TMTC2: variants seen among roughly 807,000 people sequenced by gnomAD.
The protein encoded by TMTC2 is protein O-mannosyl-transferase TMTC2.
In TMTC2, 43 loss-of-function variants were observed where a neutral mutation model predicts 82.4. The ratio of observed to expected loss-of-function variants is 0.52; its 90% CI spans 0.41 to 0.67. The LOEUF (loss-of-function observed/expected upper bound fraction) is 0.67, where lower values mean the gene tolerates loss of function less well. TMTC2 is among the 30% of genes least tolerant of loss of function. The pLI is 0.00. For missense variants in TMTC2, 919 were observed against 1,012.4 expected (o/e 0.91, Z 1.25); for synonymous variants, 408 against 381.9 (o/e 1.07, Z -0.80).
chr12:82,995,335 C>G (rs12231530), intron 8 of TMTC2, among the ~76,000 whole-genome samples: 1 of 43,482 alleles, frequency 2.3e-5, no homozygotes, highest in African/African-American at 4.7e-5. Context: ...TACACACACA[C>G]ATACACACAC....
intron 1 of TMTC2, among the ~76,000 whole-genome samples, chr12:82,785,707 G>GTC (rs1405854708): frequency 6.6e-6 from 1 of 152,036 alleles, no homozygotes; most frequent in Non-Finnish European, 1.5e-5. Context: ...TAAAATGGCA[G>GTC]TCTTTCACTG....
At chr12:82,937,169 C>T (rs1165839154) in intron 4 of TMTC2, among the ~76,000 whole-genome samples, 1 of 152,168 alleles carries the variant, frequency 6.6e-6, no homozygotes, top group Non-Finnish European at 1.5e-5. Context: ...CTACAAGGTA[C>T]ATAGCTTAAG....
At chr12:83,111,045 T>G (rs975287473) in intron 11 of TMTC2, among the ~76,000 whole-genome samples, 1 of 152,234 alleles carries the variant, frequency 6.6e-6, no homozygotes, top group Non-Finnish European at 1.5e-5. Flanking sequence ...TCCAGTCTTA[T>G]AAACCAACTT....
chr12:83,130,299 A>G (rs567674701), intron 11 of TMTC2, among the ~76,000 whole-genome samples: 1 of 152,356 alleles, frequency 6.6e-6, no homozygotes, highest in Non-Finnish European at 1.5e-5. Flanking sequence ...ACTCAGGATA[A>G]TAACAGTGGT....
rs553439106 is a variant in TMTC2, at chr12:83,071,803, T to C, written c.2331+9972T>C. Among the ~76,000 whole-genome samples, 16 of 152,316 alleles carry C rather than the reference T, an allele frequency of 1.1e-4. No individual in the cohort carries two copies. In the South Asian group the frequency reaches 2.1e-3, roughly 20 times the overall value. On this transcript the variant is annotated intron_variant, in intron 11 of 11. Coordinates refer to ENST00000321196, the MANE Select transcript of TMTC2 (RefSeq NM_152588.3). ...TAATTTATATGTGTCAAGGTGTTCA[T>C]AGTAGCCTTGTATGATCTCTTGTAT...
At chr12:83,066,225 G>A (rs1333579895) in intron 11 of TMTC2, among the ~76,000 whole-genome samples, 2 of 151,912 alleles carry the variant, frequency 1.3e-5, no homozygotes, top group East Asian at 3.9e-4. Flanking sequence ...GCACAGGAGA[G>A]AGAAATGACA....
chr12:82,846,500 G>C (rs1460014161), intron 1 of TMTC2, among the ~76,000 whole-genome samples: 1 of 152,054 alleles, frequency 6.6e-6, no homozygotes, highest in Non-Finnish European at 1.5e-5. Context: ...CTGCAGCTGG[G>C]GCCATTTTTA....
chr12:82,954,807 T>TA (rs1483133735), intron 4 of TMTC2, among the ~76,000 whole-genome samples: 1 of 152,200 alleles, frequency 6.6e-6, no homozygotes, highest in African/African-American at 2.4e-5. Flanking sequence ...AGGGCAGTCT[T>TA]ACTACAAAGA....
intron 9 of TMTC2, among the ~76,000 whole-genome samples, chr12:83,042,919 C>T (rs1881948201): frequency 6.6e-6 from 1 of 152,168 alleles, no homozygotes; most frequent in African/African-American, 2.4e-5. Context: ...TCACAATAAG[C>T]AGTCCAGATT....
intron 4 of TMTC2, among the ~76,000 whole-genome samples, chr12:82,941,480 G>A (rs1010396971): frequency 2.0e-5 from 3 of 152,166 alleles, no homozygotes; most frequent in African/African-American, 7.2e-5. Flanking sequence ...ATAAACTAAT[G>A]AGTAATCTAA....
At chr12:82,700,700 G>A (rs1873032611) in intron 1 of TMTC2, among the ~76,000 whole-genome samples, 1 of 152,186 alleles carries the variant, frequency 6.6e-6, no homozygotes, top group African/African-American at 2.4e-5. Flanking sequence ...AACATTGTTA[G>A]ATGACTTCCA....
intron 4 of TMTC2, among the ~76,000 whole-genome samples, chr12:82,944,154 A>G (rs149785949): frequency 6.6e-6 from 1 of 152,344 alleles, no homozygotes; most frequent in East Asian, 1.9e-4. Context: ...GCTAAAGGGT[A>G]TAGATTTTGG....
intron 1 of TMTC2, among the ~76,000 whole-genome samples, chr12:82,828,544 T>C (rs1869564921): frequency 6.6e-6 from 1 of 152,326 alleles, no homozygotes; most frequent in South Asian, 2.1e-4. Flanking sequence ...GGCCTTCATA[T>C]ACTCTTGAAA....
intron 11 of TMTC2, among the ~76,000 whole-genome samples, chr12:83,097,922 G>C (rs1026535442): frequency 9.2e-5 from 14 of 152,234 alleles, no homozygotes; most frequent in African/African-American, 3.4e-4. Context: ...CAGGAGCTGA[G>C]GCTGGAGAGA....
intron 1 of TMTC2, among the ~76,000 whole-genome samples, chr12:82,784,509 G>T (rs757762290): frequency 1.6e-4 from 24 of 152,066 alleles, no homozygotes; most frequent in Non-Finnish European, 2.9e-4. Context: ...AAATAGAGGG[G>T]TACAATTTGA....
intron 2 of TMTC2, among the ~76,000 whole-genome samples, chr12:82,869,605 C>T (rs1347437739): frequency 1.3e-5 from 2 of 151,878 alleles, no homozygotes; most frequent in East Asian, 1.9e-4. Flanking sequence ...TTTGGGAGGC[C>T]GAGGTGGGTG....
intron 11 of TMTC2, among the ~76,000 whole-genome samples, chr12:83,107,407 C>T (rs1001271578): frequency 3.3e-5 from 5 of 152,182 alleles, no homozygotes; most frequent in African/African-American, 9.6e-5. Flanking sequence ...CTTGCTGCAT[C>T]ATAACATGGC....
At chr12:82,808,335 TAG>T (rs1045980753) in intron 1 of TMTC2, among the ~76,000 whole-genome samples, 2 of 151,866 alleles carry the variant, frequency 1.3e-5, no homozygotes, top group Admixed American at 6.6e-5. Flanking sequence ...GCTTAAAAAA[TAG>T]ACAGTATAAT....
intron 11 of TMTC2, among the ~76,000 whole-genome samples, chr12:83,131,759 C>G (rs1351695125): frequency 6.6e-6 from 1 of 152,062 alleles, no homozygotes; most frequent in East Asian, 1.9e-4. Context: ...GTGTTAAAAG[C>G]CTGGGATATT....
Sources: allele counts gnomAD v4.1 joint callset (sites outside exome capture counted in the v4.1 genomes callset), GRCh38; gene constraint gnomAD v4.1.1; transcripts MANE v1.5; gene names NCBI Gene and HGNC (gene_info 2026-07-23, HGNC 2026-07-21).